The following CMSS1 variants were observed in gnomAD, a reference collection of about 807,000 sequenced individuals.
CMSS1 encodes the protein protein CMSS1.
CMSS1 carries 33 observed loss-of-function variants against 43.5 expected under a neutral mutation model. That is an observed-to-expected ratio of 0.76 (90% CI 0.57 to 1.01). The LOEUF (loss-of-function observed/expected upper bound fraction) is 1.01. Among genes scored for constraint, CMSS1 ranks in the 50% least tolerant of loss-of-function variants. The probability of loss-of-function intolerance (pLI) is 0.00; values close to 1 mark genes in which losing one functional copy is unlikely to be tolerated. For synonymous variants in CMSS1, 115 were observed against 117.2 expected (o/e 0.98, Z 0.12); for missense variants, 313 against 326.4 (o/e 0.96, Z 0.32).
Position 100,006,247 on chromosome 3 carries a change from A to T in CMSS1, c.65-140726A>T, listed in dbSNP as rs116583983. ...CCCAAACTGTTTTCCCCAGCCCTCAACTGATCTTTGGCTCTTATTTAAATT... is the reference window on the plus strand; with the variant it reads ...CCCAAACTGTTTTCCCCAGCCCTCATCTGATCTTTGGCTCTTATTTAAATT... On this transcript the variant is annotated intron_variant, in intron 1 of 9. Coordinates refer to ENST00000421999, the MANE Select transcript of CMSS1 (RefSeq NM_032359.4). Among the ~76,000 whole-genome samples, 1,081 of 152,132 alleles carry T rather than the reference A, an allele frequency of 7.1e-3. 17 individuals carry two copies. The highest frequency in any genetic ancestry group is 0.025 in the African/African-American group (1,047 of 41,500).
At chr3:100,065,677 A>G (rs932102116) in intron 1 of CMSS1, among the ~76,000 whole-genome samples, 1 of 105,938 alleles carries the variant, frequency 9.4e-6, no homozygotes, top group Non-Finnish European at 2.2e-5. Flanking sequence ...CTGAGGTGCA[A>G]ATGACACTTG....
intron 1 of CMSS1, among the ~76,000 whole-genome samples, chr3:100,016,061 T>G (rs1710329199): frequency 6.6e-6 from 1 of 152,210 alleles, no homozygotes; most frequent in African/African-American, 2.4e-5. Flanking sequence ...GACCCAAGAT[T>G]ATTATTCACA....
chr3:99,927,392 G>A (rs562443579), intron 1 of CMSS1, among the ~76,000 whole-genome samples: 2 of 148,320 alleles, frequency 1.3e-5, no homozygotes, highest in Non-Finnish European at 1.5e-5. Context: ...TTTTTGAGAC[G>A]GAGTTTCGCT....
At chr3:100,107,488 G>T (rs73859924) in intron 1 of CMSS1, among the ~76,000 whole-genome samples, 1 of 152,076 alleles carries the variant, frequency 6.6e-6, no homozygotes, top group African/African-American at 2.4e-5. Context: ...CTTTCCTTCC[G>T]CACATTTGGC....
intron 1 of CMSS1, among the ~76,000 whole-genome samples, chr3:99,960,236 T>C (rs1708451873): frequency 6.6e-6 from 1 of 152,076 alleles, no homozygotes; most frequent in Non-Finnish European, 1.5e-5. Flanking sequence ...CTAGTTAGAG[T>C]AGCCACCTTT....
chr3:100,022,170 C>T (rs1465055953), intron 1 of CMSS1, among the ~76,000 whole-genome samples: 1 of 152,152 alleles, frequency 6.6e-6, no homozygotes, highest in African/African-American at 2.4e-5. Context: ...TGTTGAGTCT[C>T]TTGGGAATCC....
intron 1 of CMSS1, among the ~76,000 whole-genome samples, chr3:99,825,387 G>A (rs1265279574): frequency 6.6e-6 from 1 of 152,144 alleles, no homozygotes; most frequent in African/African-American, 2.4e-5. Flanking sequence ...AATTTAAAAA[G>A]CAAGGGGAAG....
At chr3:100,012,511 G>A (rs552202386) in intron 1 of CMSS1, among the ~76,000 whole-genome samples, 3 of 152,274 alleles carry the variant, frequency 2.0e-5, no homozygotes, top group Non-Finnish European at 2.9e-5. Flanking sequence ...ATATCACTTA[G>A]TAAAGGGTAG....
At chr3:99,974,754 G>C (rs550146740) in intron 1 of CMSS1, among the ~76,000 whole-genome samples, 1 of 152,032 alleles carries the variant, frequency 6.6e-6, no homozygotes, top group East Asian at 1.9e-4. Flanking sequence ...GTTTGGAGTG[G>C]AAAAAACCTG....
intron 1 of CMSS1, among the ~76,000 whole-genome samples, chr3:99,933,381 G>A (rs544294924): frequency 6.6e-6 from 1 of 152,220 alleles, no homozygotes; most frequent in African/African-American, 2.4e-5. Context: ...GGCATAGAAG[G>A]GATATTTTTG....
At position 99,886,370 on chromosome 3, in the gene CMSS1, G is replaced by A. The variant is rs183000668; in HGVS notation, c.64+68327G>A. On this transcript the variant is annotated intron_variant, in intron 1 of 9. Coordinates refer to ENST00000421999, the MANE Select transcript of CMSS1 (RefSeq NM_032359.4). ...GCCACACTGGAAGAAGAAATCTCTT[G>A]TACCATACATAAAATACACTTAACA... 6.0e-4 allele frequency among the ~76,000 whole-genome samples: 91 copies of A among 151,260 alleles called. No homozygotes were observed. In the Middle Eastern group the frequency reaches 0.017, roughly 28 times the overall value.
intron 1 of CMSS1, among the ~76,000 whole-genome samples, chr3:99,841,340 C>G (rs537540334): frequency 2.0e-5 from 3 of 152,222 alleles, no homozygotes; most frequent in Non-Finnish European, 4.4e-5. Context: ...CTTTCCATTT[C>G]TACTATGCCT....
intron 1 of CMSS1, among the ~76,000 whole-genome samples, chr3:99,986,010 T>C (rs560412041): frequency 2.4e-4 from 37 of 152,332 alleles, no homozygotes; most frequent in African/African-American, 7.2e-4. Flanking sequence ...CTTAATGAGA[T>C]ACAGTTTGCA....
At chr3:100,154,465 T>C (rs2066953042) in intron 2 of CMSS1, among the ~76,000 whole-genome samples, 1 of 152,198 alleles carries the variant, frequency 6.6e-6, no homozygotes, top group Non-Finnish European at 1.5e-5. Context: ...AGAGTTTTGG[T>C]TGCTGTACAT....
chr3:99,868,213 T>G (rs1944615768), intron 1 of CMSS1, among the ~76,000 whole-genome samples: 1 of 152,168 alleles, frequency 6.6e-6, no homozygotes, highest in South Asian at 2.1e-4. Flanking sequence ...GGAAAGTTCT[T>G]GTGGGTTTCT....
At chr3:99,932,540 C>G (rs556323901) in intron 1 of CMSS1, among the ~76,000 whole-genome samples, 78 of 151,632 alleles carry the variant, frequency 5.1e-4, no homozygotes, top group African/African-American at 1.7e-3. Flanking sequence ...ACATTTTTTT[C>G]CCTTGTGTTA....
intron 1 of CMSS1, chr3:100,051,088 C>T (rs1216436223): frequency 6.6e-6 from 1 of 151,954 alleles, no homozygotes; most frequent in Non-Finnish European, 1.5e-5. Flanking sequence ...ATTTTTAAAC[C>T]ATCATTTGAA....
rs1559713798 is a variant in CMSS1 at position 99,983,500 on chromosome 3, A to ATGTG, written c.65-163472_65-163471insGTGT. Among the ~76,000 whole-genome samples the ATGTG allele has an allele frequency of 2.7e-4, 29 of 108,918 alleles. 1 individual carries two copies. The highest frequency in any genetic ancestry group is 1.0e-3 in the African/African-American group (26 of 25,852). 71.5% of individuals were successfully genotyped at this position (108,918 alleles called of 152,430 possible). A position where few individuals can be genotyped will look rare whatever the true frequency, so the allele number is the denominator to read the frequency against. On this transcript the variant is annotated intron_variant, in intron 1 of 9. Coordinates refer to ENST00000421999, the MANE Select transcript of CMSS1 (RefSeq NM_032359.4). ...TATATATATATATATATATATATAT[A>ATGTG]TATATATATGTATATATATACACAC...
intron 1 of CMSS1, among the ~76,000 whole-genome samples, chr3:99,822,864 G>A (rs989341746): frequency 2.0e-5 from 3 of 152,086 alleles, no homozygotes; most frequent in Non-Finnish European, 4.4e-5. Context: ...GTACACCAGC[G>A]GTAGTTACTG....
Sources: allele counts gnomAD v4.1 joint callset (sites outside exome capture counted in the v4.1 genomes callset), GRCh38; gene constraint gnomAD v4.1.1; transcripts MANE v1.5; gene names NCBI Gene and HGNC (gene_info 2026-07-23, HGNC 2026-07-21).